Variants in ANK3 observed in about 807,000 individuals in gnomAD.
The protein encoded by ANK3 is ankyrin-3.
ANK3 carries 57 observed loss-of-function variants against 370.9 expected under a neutral mutation model. The observed-to-expected ratio is 0.15, with a 90% CI of 0.12 to 0.19. The LOEUF is 0.19. Ranked by LOEUF, ANK3 falls within the 10% of genes least tolerant of loss-of-function variation. The pLI is 1.00. For missense variants in ANK3, 4,439 were observed against 5,302.1 expected (o/e 0.84, Z 5.06); for synonymous variants, 1,929 against 1,946.3 (o/e 0.99, Z 0.23).
intron 38 of ANK3, among the ~76,000 whole-genome samples, chr10:60,064,989 C>A (rs189230445): frequency 6.6e-6 from 1 of 152,184 alleles, no homozygotes. Context: ...GTATATGGCA[C>A]AAGAGATGCT....
intron 2 of ANK3, among the ~76,000 whole-genome samples, chr10:60,424,377 A>C (rs1267613748): frequency 6.6e-6 from 1 of 152,058 alleles, no homozygotes; most frequent in Admixed American, 6.6e-5. Context: ...CAAGTCTTTC[A>C]TATTTGTCAG....
intron 2 of ANK3, among the ~76,000 whole-genome samples, chr10:60,483,109 G>T: frequency 6.6e-6 from 1 of 152,148 alleles, no homozygotes; most frequent in East Asian, 1.9e-4. Flanking sequence ...TCTGAATAGT[G>T]TAAATGGAAA....
intron 21 of ANK3, 56 bp downstream of exon 21, chr10:60,172,252 G>A: frequency 7.0e-7 from 1 of 1,427,792 alleles, no homozygotes; most frequent in Non-Finnish European, 9.8e-7. Flanking sequence ...AAAAACCCAA[G>A]AAAACTGGCT....
chr10:60,153,627 T>C (rs1162891938), intron 23 of ANK3, among the ~76,000 whole-genome samples: 1 of 152,158 alleles, frequency 6.6e-6, no homozygotes, highest in Non-Finnish European at 1.5e-5. Flanking sequence ...CATAGCTGGA[T>C]AAGTGGATAG....
intron 1 of ANK3, among the ~76,000 whole-genome samples, chr10:60,623,287 C>A (rs2133331762): frequency 6.6e-6 from 1 of 152,252 alleles, no homozygotes; most frequent in East Asian, 1.9e-4. Flanking sequence ...CCAACCGTAG[C>A]AAGTGCCACA....
intron 28 of ANK3, among the ~76,000 whole-genome samples, chr10:60,095,977 C>A (rs2090043740): frequency 6.6e-6 from 1 of 151,818 alleles, no homozygotes; most frequent in Admixed American, 6.6e-5. Flanking sequence ...AGTTCAAGAC[C>A]AGTGTGGCCA....
intron 24 of ANK3, among the ~76,000 whole-genome samples, chr10:60,135,143 A>C (rs1211077522): frequency 6.6e-6 from 1 of 152,160 alleles, no homozygotes; most frequent in Non-Finnish European, 1.5e-5. Flanking sequence ...CCCTTGGGAG[A>C]ACAGTTCTGC....
chr10:60,346,959 T>G (rs2055674576), intron 1 of ANK3, among the ~76,000 whole-genome samples: 2 of 70,702 alleles, frequency 2.8e-5, no homozygotes, highest in Non-Finnish European at 7.8e-5. Flanking sequence ...ATTTCATACA[T>G]AAGAGTCTTT....
chr10:60,338,516 C>T (rs967355655), intron 1 of ANK3, among the ~76,000 whole-genome samples: 6 of 152,106 alleles, frequency 3.9e-5, no homozygotes, highest in African/African-American at 1.2e-4. Flanking sequence ...TTCTCAAATT[C>T]AGTAGAATGC....
intron 2 of ANK3, among the ~76,000 whole-genome samples, chr10:60,503,798 A>G (rs988711193): frequency 6.6e-6 from 1 of 152,174 alleles, no homozygotes; most frequent in African/African-American, 2.4e-5. Flanking sequence ...CCCAAGAAAA[A>G]TTCCAAGATG....
In ANK3 at chr10:60,186,854, G is replaced by A. The variant is rs550057429; in HGVS notation, c.1946C>T (p.Thr649Ile). Residue 649 changes from threonine to isoleucine, a missense_variant, in exon 17 of 44, where the codon ACT (threonine) becomes ATT (isoleucine). Physicochemically the swap from Thr to Ile is moderately conservative, Grantham distance 89 (BLOSUM62 -1). Around this residue, in one of 13 missense-constraint regions of ANK3, gnomAD observed 192 missense variants for 192.1 expected, o/e 1.00. Coordinates refer to ENST00000280772, the MANE Select transcript of ANK3 (RefSeq NM_020987.5). ...AKKNQMDIAT[T>I]LLEYGADANA... is the part of the protein sequence containing the mutation. ...GGCATCAGCACCATATTCCAGCAGA[G>A]TTGTCGCTATGTCCATCTGGTTCTT... is the stretch of plus-strand genomic sequence containing the variant. 4.8e-5 allele frequency: 77 copies of A among 1,614,184 alleles called. 2 individuals carry two copies. In the South Asian group the frequency reaches 8.3e-4, roughly 17 times the overall value.
chr10:60,273,909 A>G (rs757428864), intron 4 of ANK3, among the ~76,000 whole-genome samples: 7 of 152,198 alleles, frequency 4.6e-5, no homozygotes, highest in Non-Finnish European at 1.0e-4. Flanking sequence ...GCCATGTGGA[A>G]CTATGAGTCA....
chr10:60,450,660 T>C (rs1402690649), intron 2 of ANK3, among the ~76,000 whole-genome samples: 2 of 152,080 alleles, frequency 1.3e-5, no homozygotes, highest in Non-Finnish European at 2.9e-5. Flanking sequence ...GAGTATAAGA[T>C]GCCTTAGAGG....
intron 1 of ANK3, among the ~76,000 whole-genome samples, chr10:60,345,930 A>T (rs2055358770): frequency 6.6e-6 from 1 of 152,134 alleles, no homozygotes; most frequent in Non-Finnish European, 1.5e-5. Flanking sequence ...TCTAAAAACT[A>T]GTTCAAAAAT....
At chr10:60,053,728 C>A (rs1218316519) in intron 42 of ANK3, 2 of 1,303,694 alleles carry the variant, frequency 1.5e-6, no homozygotes, top group African/African-American at 3.0e-5. Context: ...GACTTTTGAC[C>A]TGATTTTTTA....
rs2072462982 is a variant in ANK3, at chr10:60,027,464, T to A, written c.*2382A>T. Reference sequence around the variant, plus strand: ...TATCCGTGCATTTCTTCTGCATTGATAGTGAATCCTTACTGGGGACAACTC... The same window carrying A: ...TATCCGTGCATTTCTTCTGCATTGAAAGTGAATCCTTACTGGGGACAACTC... On this transcript the variant is annotated 3_prime_UTR_variant, in exon 44 of 44. Transcript: ENST00000280772. 6.6e-6 allele frequency: 1 copy of A among 152,142 alleles called. No homozygotes were observed. The highest frequency in any genetic ancestry group is 2.4e-5 in the African/African-American group (1 of 41,432). The allele number at this position is 152,142 out of a possible 1,614,324, so 9.4% of individuals were successfully genotyped here.
rs890398740 is a variant in ANK3, at chr10:60,471,153, T to C, written c.96+144033A>G. 2.6e-5 allele frequency among the ~76,000 whole-genome samples: 4 copies of C among 152,090 alleles called. No homozygotes were observed. In the South Asian group the frequency reaches 8.3e-4, roughly 32 times the overall value. On this transcript the variant is annotated intron_variant, in intron 2 of 43. Coordinates refer to the ANK3 transcript ENST00000373827. ...AATTTACACTGACAAAAAATAGTAA[T>C]AAATGCAATTAGTTTGAAATTCCAA...
At chr10:60,589,854 C>T (rs1215175643) in intron 2 of ANK3, among the ~76,000 whole-genome samples, 1 of 152,142 alleles carries the variant, frequency 6.6e-6, no homozygotes, top group Non-Finnish European at 1.5e-5. Context: ...TGCTAAATTG[C>T]GATTGGTTTT....
At chr10:60,270,451 A>G (rs2097955312) in intron 4 of ANK3, among the ~76,000 whole-genome samples, 1 of 152,224 alleles carries the variant, frequency 6.6e-6, no homozygotes, top group Non-Finnish European at 1.5e-5. Context: ...TAATTTGAGT[A>G]TAGCTCATAG....
Sources: gnomAD v4.1 joint callset for allele counts (sites outside exome capture counted in the v4.1 genomes callset) on GRCh38, gnomAD v4.1.1 for gene constraint, gnomAD v4.1.1 regional missense constraint, MANE v1.5 for transcripts, NCBI Gene and HGNC (gene_info 2026-07-23, HGNC 2026-07-21) for gene names.